The following CDH18 variants were observed in gnomAD, a reference collection of about 807,000 sequenced individuals.
The protein encoded by CDH18 is cadherin 18.
A neutral mutation model predicts 67.9 loss-of-function variants in CDH18; 31 were observed. That is an observed-to-expected ratio of 0.46 (90% CI 0.34 to 0.62). The LOEUF is 0.62. CDH18 is among the 20% of genes least tolerant of loss of function. The pLI is 0.01. For synonymous variants in CDH18, 362 were observed against 347.2 expected, an observed-to-expected ratio of 1.04 and a Z score of -0.48; for missense variants, 890 against 975.5, an observed-to-expected ratio of 0.91 and a Z score of 1.17.
chr5:20,141,134 C>A (rs1290142189), intron 2 of CDH18, among the ~76,000 whole-genome samples: 2 of 152,236 alleles, frequency 1.3e-5, no homozygotes, highest in African/African-American at 2.4e-5. Context: ...AGGCATGTTT[C>A]TATTTTGGTA....
intron 2 of CDH18, among the ~76,000 whole-genome samples, chr5:20,026,180 T>A (rs1259675611): frequency 6.6e-6 from 1 of 152,180 alleles, no homozygotes; most frequent in Non-Finnish European, 1.5e-5. Flanking sequence ...ACATTGCCTT[T>A]CTGTTACAGG....
At chr5:19,811,143 A>G (rs1172430927) in intron 3 of CDH18, among the ~76,000 whole-genome samples, 2 of 102,140 alleles carry the variant, frequency 2.0e-5, no homozygotes, top group Non-Finnish European at 4.1e-5. Context: ...AGAAAGAAAG[A>G]AAGAAAGAAA....
intron 1 of CDH18, among the ~76,000 whole-genome samples, chr5:20,493,120 G>A (rs186945750): frequency 9.2e-5 from 14 of 151,950 alleles, no homozygotes; most frequent in Middle Eastern, 3.4e-3. Context: ...AGGCCTAGGC[G>A]GACAGATCAC....
chr5:20,414,361 C>T (rs901548836), intron 1 of CDH18, among the ~76,000 whole-genome samples: 1 of 152,112 alleles, frequency 6.6e-6, no homozygotes, highest in African/African-American at 2.4e-5. Flanking sequence ...TGAATTAACA[C>T]AGAAACTGAA....
chr5:20,436,234 A>G (rs1432525783), intron 1 of CDH18, among the ~76,000 whole-genome samples: 3 of 151,992 alleles, frequency 2.0e-5, no homozygotes, highest in Non-Finnish European at 4.4e-5. Flanking sequence ...AATTGCCAGA[A>G]ACAGTTGTTG....
chr5:19,752,720 C>T (rs1771011745), intron 3 of CDH18, among the ~76,000 whole-genome samples: 3 of 152,130 alleles, frequency 2.0e-5, no homozygotes, highest in Admixed American at 2.0e-4. Flanking sequence ...AGAAGGCCAA[C>T]CAGCACACAA....
At chr5:19,772,272 T>C (rs547355631) in intron 3 of CDH18, among the ~76,000 whole-genome samples, 207 of 152,276 alleles carry the variant, frequency 1.4e-3, no homozygotes, top group African/African-American at 4.9e-3. Context: ...GCATGGAGAA[T>C]AGGCTTTGCT....
At chr5:20,051,696 A>G (rs991820189) in intron 2 of CDH18, among the ~76,000 whole-genome samples, 2 of 152,060 alleles carry the variant, frequency 1.3e-5, no homozygotes, top group East Asian at 3.9e-4. Flanking sequence ...TTTAAAGCTG[A>G]AGATGTCTAT....
chr5:19,809,375 G>A (rs1778395276), intron 3 of CDH18, among the ~76,000 whole-genome samples: 1 of 152,070 alleles, frequency 6.6e-6, no homozygotes, highest in African/African-American at 2.4e-5. Context: ...TTCTCCTTAA[G>A]ATATAGAATT....
chr5:20,353,032 T>G (rs1223635412), intron 1 of CDH18, among the ~76,000 whole-genome samples: 1 of 152,194 alleles, frequency 6.6e-6, no homozygotes, highest in East Asian at 1.9e-4. Context: ...ACAAATAATA[T>G]GAAAATGGTT....
At chr5:20,455,797 C>T (rs1750798256) in intron 1 of CDH18, among the ~76,000 whole-genome samples, 1 of 151,886 alleles carries the variant, frequency 6.6e-6, no homozygotes, top group South Asian at 2.1e-4. Flanking sequence ...TATCAAAATA[C>T]ATACTTAAAA....
intron 2 of CDH18, among the ~76,000 whole-genome samples, chr5:20,023,231 A>G (rs920800315): frequency 1.4e-4 from 22 of 152,134 alleles, no homozygotes; most frequent in African/African-American, 2.9e-4. Context: ...TCTCAAATCA[A>G]TTCCCACAAA....
intron 5 of CDH18, among the ~76,000 whole-genome samples, chr5:19,688,252 C>T (rs1761389369): frequency 1.3e-5 from 2 of 152,200 alleles, no homozygotes; most frequent in African/African-American, 4.8e-5. Flanking sequence ...CTCACTTGGA[C>T]TGGCTAATGC....
At chr5:20,011,918 G>C (rs1327696287) in intron 2 of CDH18, among the ~76,000 whole-genome samples, 1 of 152,028 alleles carries the variant, frequency 6.6e-6, no homozygotes, top group African/African-American at 2.4e-5. Context: ...TTGTATTTCT[G>C]CCAGGTTTTG....
intron 12 of CDH18, among the ~76,000 whole-genome samples, chr5:19,480,417 T>C (rs964588818): frequency 1.6e-4 from 25 of 151,636 alleles, no homozygotes; most frequent in Non-Finnish European, 2.5e-4. Flanking sequence ...CACTCTGTCA[T>C]CCAGGCTGGA....
chr5:19,881,847 C>T (rs1193686936), intron 2 of CDH18, among the ~76,000 whole-genome samples: 8 of 152,062 alleles, frequency 5.3e-5, no homozygotes, highest in African/African-American at 1.7e-4. Flanking sequence ...TGCTGGTTCC[C>T]TACCTGATGG....
At chr5:20,202,046 T>C (rs1739489759) in intron 2 of CDH18, among the ~76,000 whole-genome samples, 1 of 152,174 alleles carries the variant, frequency 6.6e-6, no homozygotes, top group Admixed American at 6.6e-5. Flanking sequence ...GGTATTAATG[T>C]GGACTAGGAT....
intron 3 of CDH18, among the ~76,000 whole-genome samples, chr5:19,782,587 G>A (rs775477343): frequency 6.6e-6 from 1 of 152,170 alleles, no homozygotes; most frequent in Non-Finnish European, 1.5e-5. Context: ...CTACAATGGA[G>A]TCAGGGCAGC....
At chr5:19,576,798 T>G (rs759100258) in intron 7 of CDH18, among the ~76,000 whole-genome samples, 78 of 152,262 alleles carry the variant, frequency 5.1e-4, no homozygotes, top group Non-Finnish European at 9.1e-4. Flanking sequence ...TTATATTAAT[T>G]GCAGCATTAC....
Sources: allele counts gnomAD v4.1 joint callset (sites outside exome capture counted in the v4.1 genomes callset), GRCh38; gene constraint gnomAD v4.1.1; transcripts MANE v1.5; gene names NCBI Gene and HGNC (gene_info 2026-07-23, HGNC 2026-07-21).